The following ZBTB11 variants were observed in gnomAD, a reference collection of about 807,000 sequenced individuals.
The protein encoded by ZBTB11 is zinc finger and BTB domain containing 11.
A neutral mutation model predicts 113.1 loss-of-function variants in ZBTB11; 68 were observed. The ratio of observed to expected loss-of-function variants is 0.60; its 90% CI spans 0.49 to 0.74. ZBTB11 has a LOEUF of 0.74. ZBTB11 is among the 30% of genes least tolerant of loss of function. The pLI, the probability that ZBTB11 is intolerant of heterozygous loss-of-function variation, is 0.00. For synonymous variants in ZBTB11, 518 were observed against 452.6 expected, an observed-to-expected ratio of 1.14 and a Z score of -1.83; for missense variants, 1,104 against 1,279.4, an observed-to-expected ratio of 0.86 and a Z score of 2.09.
intron 5 of ZBTB11, among the ~76,000 whole-genome samples, chr3:101,663,871 C>T (rs1027747103): frequency 6.6e-6 from 1 of 152,136 alleles, no homozygotes; most frequent in African/African-American, 2.4e-5. Context: ...GCCTGGGTGA[C>T]AGAACAAGAC....
rs760396359 is a variant in ZBTB11 at position 101,651,295 on chromosome 3, A to G, written c.3033T>C (p.Leu1011=). ...ATEEYPSVST[L]SDQSIMQVVN... ...CCACTTGCATAATACTTTGGTCAGAAAGTGTAGATACCGATGGATACTCTT... is the reference window on the plus strand; with the variant it reads ...CCACTTGCATAATACTTTGGTCAGAGAGTGTAGATACCGATGGATACTCTT... Residue 1011 remains leucine, a synonymous_variant, in exon 11 of 11, where the codon CTT becomes CTC. Coordinates refer to ENST00000312938, the MANE Select transcript of ZBTB11 (RefSeq NM_014415.4). The G allele has an allele frequency of 7.4e-6, 12 of 1,614,188 alleles. No homozygotes were observed. In the South Asian group the frequency reaches 9.9e-5, roughly 13 times the overall value.
chr3:101,659,709 C>T, intron 6 of ZBTB11, 74 bp downstream of exon 6: 1 of 1,544,848 alleles, frequency 6.5e-7, no homozygotes, highest in Admixed American at 1.8e-5. Context: ...GAATACATAT[C>T]CCACCAGTCT....
chr3:101,669,169 A>G (rs553966729), intron 3 of ZBTB11, among the ~76,000 whole-genome samples: 1 of 152,264 alleles, frequency 6.6e-6, no homozygotes, highest in East Asian at 1.9e-4. Flanking sequence ...AGTAGCTGGG[A>G]CTACAGGCAT....
rs370880069 is a variant in ZBTB11 at position 101,651,342 on chromosome 3, G to C, written c.2986C>G (p.Leu996Val). 4 of 1,614,086 alleles carry C rather than the reference G, an allele frequency of 2.5e-6. No individual in the cohort carries two copies. Among genetic ancestry groups the C allele is most frequent in the African/African-American group, 1.3e-5 (1 of 75,040 alleles). The change falls in exon 11 of 11, where the codon CTG (leucine) becomes GTG (valine). Residue 996 changes from leucine (L) to valine (V), a missense_variant. Around this residue, in one of 5 missense-constraint regions of ZBTB11, gnomAD observed 90 missense variants for 98.0 expected, o/e 0.92. Transcript: ENST00000312938. ...VVVTGETMEA[L>V]EAVAATEEYP... ...TCTTCAGTAGCTGCAACAGCTTCCAGAGCTTCCATAGTTTCTCCTGTCACT... is the reference window on the plus strand; with the variant it reads ...TCTTCAGTAGCTGCAACAGCTTCCACAGCTTCCATAGTTTCTCCTGTCACT...
At position 101,665,047 on chromosome 3, in the gene ZBTB11, C is replaced by G. The variant is rs1936957964; in HGVS notation, c.1540G>C (p.Glu514Gln). Residue 514 changes from glutamate to glutamine, a missense_variant, in exon 4 of 11, where the codon GAA (glutamate) becomes CAA (glutamine). By Grantham distance (29) the Glu-to-Gln change is conservative (BLOSUM62 2). Transcript: ENST00000312938. ...RSRLRQRSVN[E>Q]GAYIRLHKGM... ...TTGTGTAGTCGAATATATGCCCCTT[C>G]ATTAACAGAACGTTGTCGAAGCCTG... is the stretch of plus-strand genomic sequence containing the variant. 6.2e-7 allele frequency: 1 copy of G among 1,614,040 alleles called. No individual in the cohort carries two copies. Among genetic ancestry groups the G allele is most frequent in the African/African-American group, 1.3e-5 (1 of 74,918 alleles).
At chr3:101,667,912 C>T (rs1054423296) in intron 3 of ZBTB11, among the ~76,000 whole-genome samples, 11 of 152,092 alleles carry the variant, frequency 7.2e-5, no homozygotes, top group African/African-American at 1.2e-4. Context: ...CTGCACCCCA[C>T]GTTTACTGCA....
chr3:101,674,781 T>TAA lies in ZBTB11; in HGVS notation c.310+1822_310+1823dup, dbSNP rs55696231. Among the ~76,000 whole-genome samples, 179 of 148,614 alleles carry TAA rather than the reference T, an allele frequency of 1.2e-3. 1 individual carries two copies. Among genetic ancestry groups the TAA allele is most frequent in the South Asian group, 2.1e-3 (10 of 4,706 alleles). On this transcript the variant is annotated intron_variant, in intron 1 of 10. Coordinates refer to ENST00000312938, the MANE Select transcript of ZBTB11 (RefSeq NM_014415.4). The stretch of plus-strand genomic sequence containing the variant: ...TTTTAAGACACTGCACACTAAAAAT[T>TAA]AAAAAAAAAACAACTGGATTAGAAT...
At chr3:101,671,072 T>C (rs1291525330) in intron 3 of ZBTB11, 58 bp downstream of exon 3, 1 of 1,409,788 alleles carries the variant, frequency 7.1e-7, no homozygotes, top group Non-Finnish European at 9.9e-7. Flanking sequence ...GACATACATA[T>C]CCCCCTCTTC....
intron 10 of ZBTB11, 106 bp downstream of exon 10, chr3:101,652,390 T>C: frequency 1.8e-6 from 2 of 1,139,332 alleles, no homozygotes; most frequent in South Asian, 1.7e-5. Flanking sequence ...AATAAAGATA[T>C]GAAATTAACC....
At chr3:101,664,334 C>T (rs1936942854) in intron 5 of ZBTB11, among the ~76,000 whole-genome samples, 1 of 152,140 alleles carries the variant, frequency 6.6e-6, no homozygotes, top group Non-Finnish European at 1.5e-5. Flanking sequence ...TATTGTCTTA[C>T]TACGGTATCA....
intron 6 of ZBTB11, among the ~76,000 whole-genome samples, chr3:101,657,195 G>C (rs1936813811): frequency 6.6e-6 from 1 of 150,900 alleles, no homozygotes; most frequent in Non-Finnish European, 1.5e-5. Flanking sequence ...TGATCCTTAG[G>C]AAGGACTTGG....
At chr3:101,675,267 G>A (rs570108059) in intron 1 of ZBTB11, among the ~76,000 whole-genome samples, 44 of 152,278 alleles carry the variant, frequency 2.9e-4, no homozygotes, top group Non-Finnish European at 5.1e-4. Context: ...AAAATGCACT[G>A]ATTACTTCAT....
In ZBTB11 at chr3:101,665,565, G is replaced by A; in HGVS notation, c.1022C>T (p.Ala341Val). 4 of 1,614,226 alleles carry A rather than the reference G, an allele frequency of 2.5e-6. No homozygotes were observed. The highest frequency in any genetic ancestry group is 3.4e-6 in the Non-Finnish European group (4 of 1,180,046). ...QDLRVQNGGT[A>V]PPVASSEGTT... ...TCCCTCACTGCTAGCAACAGGAGGT[G>A]CTGTACCTCCATTCTGTACTCGTAA... is the stretch of plus-strand genomic sequence containing the variant. The change falls in exon 4 of 11, where the codon GCA (alanine) becomes GTA (valine). Residue 341 changes from alanine to valine, a missense_variant. By Grantham distance (64) the Ala-to-Val change is moderately conservative. Transcript: ENST00000312938.
intron 8 of ZBTB11, among the ~76,000 whole-genome samples, chr3:101,654,412 TGAA>T (rs1378409217): frequency 3.0e-4 from 45 of 152,174 alleles, no homozygotes; most frequent in Non-Finnish European, 1.3e-4. Context: ...ATCTGGAAAA[TGAA>T]GAAGAGGGGG....
Position 101,651,694 on chromosome 3 carries a change from A to AT in ZBTB11, c.2645-12_2645-11insA. 6.6e-7 allele frequency: 1 copy of AT among 1,518,282 alleles called. No homozygotes were observed. The highest frequency in any genetic ancestry group is 1.3e-5 in the South Asian group (1 of 75,156). 94.1% of individuals were successfully genotyped at this position (1,518,282 alleles called of 1,614,324 possible). Reference sequence around the variant, plus strand: ...CAAATGGCTTAACTCCTAAAAAAAAAAAAAAAAAAGCATGTGTAGTGAGGT... The same window carrying AT: ...CAAATGGCTTAACTCCTAAAAAAAAATAAAAAAAAAGCATGTGTAGTGAGGT... On this transcript the variant is annotated splice_polypyrimidine_tract_variant and intron_variant, in intron 10 of 10. Transcript: ENST00000312938.
intron 6 of ZBTB11, among the ~76,000 whole-genome samples, chr3:101,659,237 T>C (rs1179728034): frequency 6.6e-6 from 1 of 152,142 alleles, no homozygotes; most frequent in Non-Finnish European, 1.5e-5. Context: ...CAAGACCTTG[T>C]CTCAAAACAG....
chr3:101,672,478 C>T (rs1176385731), intron 1 of ZBTB11, among the ~76,000 whole-genome samples: 1 of 152,272 alleles, frequency 6.6e-6, no homozygotes, highest in East Asian at 1.9e-4. Context: ...ATAGCTCCAC[C>T]CATTTTCATG....
At chr3:101,673,866 C>G (rs907145941) in intron 1 of ZBTB11, among the ~76,000 whole-genome samples, 1 of 152,102 alleles carries the variant, frequency 6.6e-6, no homozygotes, top group South Asian at 2.1e-4. Context: ...CAATATTTTC[C>G]AAATTGTATT....
intron 5 of ZBTB11, 101 bp downstream of exon 5, chr3:101,664,437 A>G (rs1936944278): frequency 2.6e-6 from 3 of 1,166,000 alleles, no homozygotes; most frequent in Non-Finnish European, 3.6e-6. Context: ...TCTTATAGCC[A>G]TATAAGACAT....
Sources: gnomAD v4.1 joint callset for allele counts (sites outside exome capture counted in the v4.1 genomes callset) on GRCh38, gnomAD v4.1.1 for gene constraint, gnomAD v4.1.1 regional missense constraint, MANE v1.5 for transcripts, NCBI Gene and HGNC (gene_info 2026-07-23, HGNC 2026-07-21) for gene names.